ATXN1: variants seen among roughly 807,000 people sequenced by gnomAD.
ATXN1 encodes the protein ataxin 1, also known as ataxin-1.
Under a neutral mutation model 56.4 loss-of-function variants are expected in ATXN1, and 8 were observed. The ratio of observed to expected loss-of-function variants is 0.14; its 90% CI spans 0.08 to 0.26. ATXN1 has a LOEUF of 0.26. Ranked by LOEUF, ATXN1 falls within the 10% of genes least tolerant of loss-of-function variation. The probability of loss-of-function intolerance (pLI) is 1.00; values close to 1 mark genes in which losing one functional copy is unlikely to be tolerated. For synonymous variants in ATXN1, 514 were observed against 494.6 expected (o/e 1.04, Z -0.52); for missense variants, 987 against 1,106.5 (o/e 0.89, Z 1.53).
intron 6 of ATXN1, among the ~76,000 whole-genome samples, chr6:16,454,125 CAAAAAAAAA>C (rs56277549): frequency 5.2e-5 from 4 of 76,668 alleles, no homozygotes; most frequent in East Asian, 5.1e-4. Flanking sequence ...GACTCTGTCT[CAAAAAAAAA>C]AAAAAAAAAA....
chr6:16,424,946 C>T (rs1759119084), intron 6 of ATXN1, among the ~76,000 whole-genome samples: 1 of 152,238 alleles, frequency 6.6e-6, no homozygotes, highest in Non-Finnish European at 1.5e-5. Context: ...GTCAGAACTA[C>T]TGACTGCTGC....
chr6:16,669,342 CACCCTGAT>C (rs541329767), intron 2 of ATXN1, among the ~76,000 whole-genome samples: 252 of 152,308 alleles, frequency 1.7e-3, no homozygotes, highest in African/African-American at 5.9e-3. Flanking sequence ...TGAAACCTAA[CACCCTGAT>C]CTTACCCTTT....
intron 6 of ATXN1, among the ~76,000 whole-genome samples, chr6:16,347,153 C>A (rs1337118682): frequency 6.6e-6 from 1 of 152,248 alleles, no homozygotes; most frequent in African/African-American, 2.4e-5. Flanking sequence ...GCAGCCAGAG[C>A]CTCCCCGACG....
At chr6:16,397,092 T>C (rs1384084378) in intron 6 of ATXN1, among the ~76,000 whole-genome samples, 1 of 152,204 alleles carries the variant, frequency 6.6e-6, no homozygotes, top group Non-Finnish European at 1.5e-5. Flanking sequence ...ACGACTGTCC[T>C]ATATGGTGGT....
chr6:16,593,987 A>T (rs980534512), intron 3 of ATXN1, among the ~76,000 whole-genome samples: 23 of 148,650 alleles, frequency 1.5e-4, no homozygotes, highest in African/African-American at 5.6e-4. Context: ...ATTATATATT[A>T]GACTAATATA....
intron 6 of ATXN1, among the ~76,000 whole-genome samples, chr6:16,368,730 A>G (rs1761980925): frequency 6.6e-6 from 1 of 152,260 alleles, no homozygotes; most frequent in Non-Finnish European, 1.5e-5. Context: ...ATAGTAATGA[A>G]CAGACTTGAG....
chr6:16,511,079 C>G (rs971878801), intron 5 of ATXN1, among the ~76,000 whole-genome samples: 1 of 152,062 alleles, frequency 6.6e-6, no homozygotes, highest in African/African-American at 2.4e-5. Context: ...AACAGCACTA[C>G]GTTCTTTGAA....
In ATXN1 at chr6:16,439,937, T is replaced by C. The variant is rs574901435; in HGVS notation, c.-161+46035A>G. ...CAAAAATACAAAAATTAGGTGGGTG[T>C]GATGGTAGGCACCTGTAATCCCAGC... On this transcript the variant is annotated intron_variant, in intron 6 of 7. Transcript: ENST00000436367. Among the ~76,000 whole-genome samples the C allele has an allele frequency of 2.7e-5, 4 of 150,088 alleles. No individual in the cohort carries two copies. The South Asian group carries it at 8.5e-4, about 32-fold the overall frequency.
At chr6:16,316,590 C>T (rs1760513730) in intron 7 of ATXN1, among the ~76,000 whole-genome samples, 1 of 151,112 alleles carries the variant, frequency 6.6e-6, no homozygotes, top group African/African-American at 2.4e-5. Flanking sequence ...ACTAAAAATA[C>T]AAAAAAATTA....
At chr6:16,384,538 A>G (rs1375180864) in intron 6 of ATXN1, among the ~76,000 whole-genome samples, 1 of 152,232 alleles carries the variant, frequency 6.6e-6, no homozygotes, top group Non-Finnish European at 1.5e-5. Flanking sequence ...AGCTCCATTG[A>G]TATGGTTGGC....
At chr6:16,534,548 A>G (rs1761563022) in intron 4 of ATXN1, among the ~76,000 whole-genome samples, 1 of 151,892 alleles carries the variant, frequency 6.6e-6, no homozygotes, top group Admixed American at 6.6e-5. Flanking sequence ...CACTCCCACC[A>G]TGGCCAATTT....
intron 4 of ATXN1, among the ~76,000 whole-genome samples, chr6:16,570,009 C>T (rs138148309): frequency 7.2e-5 from 11 of 152,326 alleles, no homozygotes; most frequent in African/African-American, 2.6e-4. Context: ...AACTGCAGAA[C>T]ACCCCAAGTT....
rs1561842352 is a variant in ATXN1 at position 16,303,727 on chromosome 6, C to T, written c.*2602G>A. ...TTTAGTGGATCCAGTCAATTCAATA[C>T]TCGAAGTAAGCCAAAAGGTGGTGTG... On this transcript the variant is annotated 3_prime_UTR_variant, in exon 8 of 8. Coordinates refer to ENST00000436367, the MANE Select transcript of ATXN1 (RefSeq NM_001128164.2). The surrounding 1 kb of genome is among the most constrained non-coding windows in gnomAD (Gnocchi z 4.3). The T allele has an allele frequency of 2.6e-5, 4 of 152,580 alleles. No homozygotes were observed. Among genetic ancestry groups the T allele is most frequent in the African/African-American group, 9.7e-5 (4 of 41,424 alleles). 9.5% of individuals were successfully genotyped at this position (152,580 alleles called of 1,614,324 possible). A position where few individuals can be genotyped will look rare whatever the true frequency, so the allele number is the denominator to read the frequency against.
chr6:16,503,630 G>A (rs1474417190), intron 5 of ATXN1, among the ~76,000 whole-genome samples: 1 of 152,088 alleles, frequency 6.6e-6, no homozygotes, highest in African/African-American at 2.4e-5. Flanking sequence ...AGTAACACAA[G>A]CACAGAAAAT....
chr6:16,586,043 G>GCGCGCACACACACACA (rs61649104), intron 3 of ATXN1, 136 bp from the exon 4 acceptor site: 2 of 148,380 alleles, frequency 1.3e-5, no homozygotes, highest in Non-Finnish European at 3.0e-5. Context: ...GCAAGCATGC[G>GCGCGCACACACACACA]CACACACACA....
intron 2 of ATXN1, among the ~76,000 whole-genome samples, chr6:16,728,702 G>A (rs796217717): frequency 2.0e-5 from 3 of 152,314 alleles, no homozygotes; most frequent in African/African-American, 7.2e-5. Flanking sequence ...CCACTCTTCA[G>A]ATGAAGAAAC....
chr6:16,324,169 T>C lies in ATXN1; in HGVS notation c.1917+2225A>G, dbSNP rs576463690. Among the ~76,000 whole-genome samples, 10 of 152,226 alleles carry C rather than the reference T, an allele frequency of 6.6e-5. No homozygotes were observed. The East Asian group carries it at 7.7e-4, about 12-fold the overall frequency. ...AAGAAATGCTCAAAAAAGCCAGACATAGGGACTCGTGTCTGTAATCTCAGG... is the reference window on the plus strand; with the variant it reads ...AAGAAATGCTCAAAAAAGCCAGACACAGGGACTCGTGTCTGTAATCTCAGG... On this transcript the variant is annotated intron_variant, in intron 7 of 7. Transcript: ENST00000436367.
intron 2 of ATXN1, among the ~76,000 whole-genome samples, chr6:16,668,703 C>A (rs2113378112): frequency 6.6e-6 from 1 of 152,300 alleles, no homozygotes; most frequent in Non-Finnish European, 1.5e-5. Context: ...CCTCCAGTTC[C>A]ATGCCCTGTT....
At chr6:16,699,792 C>G (rs142543027) in intron 2 of ATXN1, among the ~76,000 whole-genome samples, 1 of 152,184 alleles carries the variant, frequency 6.6e-6, no homozygotes, top group Non-Finnish European at 1.5e-5. Flanking sequence ...AACTGTGTCC[C>G]TTAGAAGAAA....
Sources: gnomAD v4.1 joint callset for allele counts (sites outside exome capture counted in the v4.1 genomes callset) on GRCh38, gnomAD v4.1.1 for gene constraint, Gnocchi (gnomAD v3.1) non-coding constraint, MANE v1.5 for transcripts, NCBI Gene and HGNC (gene_info 2026-07-23, HGNC 2026-07-21) for gene names.